The following PCDHA8 variants were observed in gnomAD, a reference collection of about 807,000 sequenced individuals.
PCDHA8 encodes protocadherin alpha-8.
Under a neutral mutation model 61.8 loss-of-function variants are expected in PCDHA8, and 53 were observed. The ratio of observed to expected loss-of-function variants is 0.86; its 90% CI spans 0.69 to 1.08. PCDHA8 has a LOEUF of 1.08. Among genes scored for constraint, PCDHA8 ranks in the 50% least tolerant of loss-of-function variants. The probability of loss-of-function intolerance (pLI) is 0.00; values close to 1 mark genes in which losing one functional copy is unlikely to be tolerated. For missense variants in PCDHA8, 1,293 were observed against 1,245.0 expected (o/e 1.04, Z -0.58); for synonymous variants, 618 against 556.6 (o/e 1.11, Z -1.55).
chr5:140,862,365 G>A (rs569361686), intron 1 of PCDHA8: 7 of 337,896 alleles, frequency 2.1e-5, no homozygotes, highest in African/African-American at 1.3e-4. Context: ...CAGACGACCC[G>A]CACCCTGACT....
chr5:140,967,012 G>A, intron 1 of PCDHA8: 1 of 1,606,776 alleles, frequency 6.2e-7, no homozygotes, highest in Non-Finnish European at 8.5e-7. Flanking sequence ...TCAACCATCT[G>A]GGTGCGCCCA....
chr5:140,892,910 C>T (rs1206176408), intron 1 of PCDHA8, among the ~76,000 whole-genome samples: 1 of 152,164 alleles, frequency 6.6e-6, no homozygotes, highest in Non-Finnish European at 1.5e-5. Context: ...TCCTCCTTTT[C>T]CTTCACCCTT....
chr5:140,925,585 A>T (rs1450626568), intron 1 of PCDHA8, among the ~76,000 whole-genome samples: 1 of 151,748 alleles, frequency 6.6e-6, no homozygotes, highest in Non-Finnish European at 1.5e-5. Flanking sequence ...AACATGGCGC[A>T]TGTATACATA....
intron 1 of PCDHA8, chr5:140,967,312 A>G (rs1554229425): frequency 5.0e-6 from 8 of 1,611,226 alleles, no homozygotes; most frequent in Admixed American, 1.7e-5. Context: ...CCAACTCAGT[A>G]CAGACCTACG....
At chr5:140,873,770 C>T (rs1316613523) in intron 1 of PCDHA8, among the ~76,000 whole-genome samples, 1 of 151,400 alleles carries the variant, frequency 6.6e-6, no homozygotes, top group Non-Finnish European at 1.5e-5. Context: ...AAGCAATTCT[C>T]CTGCCTCAGC....
intron 1 of PCDHA8, among the ~76,000 whole-genome samples, chr5:140,949,420 G>A (rs1219049825): frequency 6.6e-6 from 1 of 151,726 alleles, no homozygotes; most frequent in African/African-American, 2.4e-5. Context: ...TCATCATTGT[G>A]TTTATCTCTT....
In PCDHA8 at chr5:141,009,724, T is replaced by A. The variant is rs1554262325; in HGVS notation, c.2640T>A (p.Gly880=). The change falls in exon 4 of 4, where the codon GGT becomes GGA. Residue 880 remains glycine (G), a synonymous_variant. Transcript: ENST00000531613. ...KYGPGNPKQS[G]PGELPDKFII... is the part of the protein sequence containing the mutation. ...GACCAGGCAACCCCAAACAATCCGG[T>A]CCCGGTGAGTTGCCCGACAAATTCA... 6.2e-7 allele frequency: 1 copy of A among 1,614,116 alleles called. No individual in the cohort carries two copies. The highest frequency in any genetic ancestry group is 2.2e-5 in the East Asian group (1 of 44,868).
intron 3 of PCDHA8, among the ~76,000 whole-genome samples, chr5:141,007,395 C>CAAAAAAAAAAAA (rs35800918): frequency 6.3e-5 from 6 of 94,866 alleles, no homozygotes; most frequent in Admixed American, 1.2e-4. Flanking sequence ...TACTAAAATA[C>CAAAAAAAAAAAA]AAAAAAAAAA....
intron 1 of PCDHA8, among the ~76,000 whole-genome samples, chr5:140,896,874 A>G (rs1009285499): frequency 1.3e-5 from 2 of 152,102 alleles, no homozygotes; most frequent in Non-Finnish European, 2.9e-5. Flanking sequence ...GTACATATTT[A>G]TGGGGTATAT....
In PCDHA8 at chr5:141,010,049, C is replaced by G. The variant is rs1554262651; in HGVS notation, c.*112C>G. 7 of 1,597,692 alleles carry G rather than the reference C, an allele frequency of 4.4e-6. No individual in the cohort carries two copies. The highest frequency in any genetic ancestry group is 1.3e-5 in the African/African-American group (1 of 74,172). On this transcript the variant is annotated 3_prime_UTR_variant, in exon 4 of 4. Coordinates refer to ENST00000531613, the MANE Select transcript of PCDHA8 (RefSeq NM_018911.3). ...TATCTACATGAGCCCTCTTAGAGAC[C>G]TCAGAAATCTGCAGAAAGTTCCCTG...
chr5:140,849,445 A>G, intron 1 of PCDHA8: 1 of 1,585,774 alleles, frequency 6.3e-7, no homozygotes, highest in South Asian at 1.1e-5. Flanking sequence ...AGAGCACACA[A>G]GATCCCAGTC....
intron 2 of PCDHA8, among the ~76,000 whole-genome samples, chr5:140,980,627 T>C (rs1482574235): frequency 6.6e-6 from 1 of 151,860 alleles, no homozygotes; most frequent in African/African-American, 2.4e-5. Context: ...AGACTCTGTC[T>C]CAGAAGAATA....
At chr5:140,984,945 C>A (rs1316955910) in intron 3 of PCDHA8, among the ~76,000 whole-genome samples, 1 of 149,212 alleles carries the variant, frequency 6.7e-6, no homozygotes, top group Non-Finnish European at 1.5e-5. Flanking sequence ...AATGTCTAAT[C>A]TTTTTTTTTT....
At chr5:140,858,788 T>C (rs528259521) in intron 1 of PCDHA8, 5 of 390,400 alleles carry the variant, frequency 1.3e-5, no homozygotes, top group Middle Eastern at 1.4e-3. Flanking sequence ...TCATGTTATT[T>C]CATTTCCAAT....
chr5:140,949,961 G>A lies in PCDHA8; in HGVS notation c.2395-28988G>A, dbSNP rs373865946. ...TTGCATTTTTTAGTGGTTGCTGTAA[G>A]GATTACAGCATACATACTTAACTTT... On this transcript the variant is annotated intron_variant, in intron 1 of 3. Transcript: ENST00000531613. Among the ~76,000 whole-genome samples, 68 of 151,658 alleles carry A rather than the reference G, an allele frequency of 4.5e-4. 1 individual carries two copies. The East Asian group carries it at 0.012, about 28-fold the overall frequency.
At position 140,868,867 on chromosome 5, in the gene PCDHA8, G is replaced by A. The variant is rs532271305; in HGVS notation, c.2394+25152G>A. ...GAAATTCTGTGGTGGTAAATGCAGT[G>A]CACAGTACTCACAGTTTTAGGCGCA... On this transcript the variant is annotated intron_variant, in intron 1 of 3. Coordinates refer to ENST00000531613, the MANE Select transcript of PCDHA8 (RefSeq NM_018911.3). The A allele has an allele frequency of 2.8e-4, 173 of 611,220 alleles. 1 individual carries two copies. In the South Asian group the frequency reaches 3.9e-3, roughly 14 times the overall value. 37.9% of individuals were successfully genotyped at this position (611,220 alleles called of 1,614,324 possible).
At chr5:140,941,214 C>CCTTCCTTTCTTTCTTTCTTT (rs1554214040) in intron 1 of PCDHA8, among the ~76,000 whole-genome samples, 29 of 122,492 alleles carry the variant, frequency 2.4e-4, no homozygotes, top group South Asian at 5.9e-4. Flanking sequence ...TTTCTTTCTT[C>CCTTCCTTTCTTTCTTTCTTT]CTTTCTTTCT....
chr5:140,899,846 C>T (rs1554188760), intron 1 of PCDHA8, among the ~76,000 whole-genome samples: 1 of 152,142 alleles, frequency 6.6e-6, no homozygotes, highest in African/African-American at 2.4e-5. Flanking sequence ...CTTGCTGTGT[C>T]ACCCAGGCTG....
intron 1 of PCDHA8, among the ~76,000 whole-genome samples, chr5:140,941,214 CCTTT>C (rs60032403): frequency 6.5e-5 from 8 of 122,492 alleles, no homozygotes; most frequent in Non-Finnish European, 1.2e-4. Context: ...TTTCTTTCTT[CCTTT>C]CTTTCTTTCT....
Sources: allele counts gnomAD v4.1 joint callset (sites outside exome capture counted in the v4.1 genomes callset), GRCh38; gene constraint gnomAD v4.1.1; transcripts MANE v1.5; gene names NCBI Gene and HGNC (gene_info 2026-07-23, HGNC 2026-07-21).